The following SPATS2 variants were observed in gnomAD, a reference collection of about 807,000 sequenced individuals.
SPATS2 encodes spermatogenesis-associated serine-rich protein 2.
Under a neutral mutation model 63.7 loss-of-function variants are expected in SPATS2, and 38 were observed. The ratio of observed to expected loss-of-function variants is 0.60; its 90% CI spans 0.46 to 0.78. The LOEUF is 0.78. Ranked by LOEUF, SPATS2 falls within the 30% of genes least tolerant of loss-of-function variation. SPATS2 has a pLI of 0.00. For missense variants in SPATS2, 588 were observed against 666.2 expected (o/e 0.88, Z 1.29); for synonymous variants, 207 against 232.9 (o/e 0.89, Z 1.01).
chr12:49,419,605 A>T (rs1351520404), intron 2 of SPATS2, among the ~76,000 whole-genome samples: 1 of 152,184 alleles, frequency 6.6e-6, no homozygotes, highest in Non-Finnish European at 1.5e-5. Context: ...TGTATTAATG[A>T]ATTTAAAATA....
At chr12:49,370,563 G>T (rs1250757892) in intron 1 of SPATS2, among the ~76,000 whole-genome samples, 1 of 152,092 alleles carries the variant, frequency 6.6e-6, no homozygotes, top group East Asian at 1.9e-4. Flanking sequence ...CACTTTCAAC[G>T]AAGTCATCTA....
At chr12:49,425,320 T>C (rs1180292066) in intron 2 of SPATS2, among the ~76,000 whole-genome samples, 2 of 152,202 alleles carry the variant, frequency 1.3e-5, no homozygotes, top group Admixed American at 6.5e-5. Context: ...ATTTTTCTTA[T>C]AGTTTATTGA....
At chr12:49,400,524 A>G (rs74088731) in intron 2 of SPATS2, among the ~76,000 whole-genome samples, 13,209 of 152,162 alleles carry the variant, frequency 0.087, 635 homozygotes, top group African/African-American at 0.12. Context: ...GGGAATGACT[A>G]GGCAATAGGG....
intron 4 of SPATS2, 76 bp from the exon 5 acceptor site, chr12:49,489,389 A>C (rs997015699): frequency 1.9e-6 from 2 of 1,073,812 alleles, no homozygotes; most frequent in African/African-American, 1.6e-5. Context: ...CACTCTTTTC[A>C]TTATTCTCTG....
rs80144643 is a variant in SPATS2, at chr12:49,490,868, G to A, written c.264+137G>A. On this transcript the variant is annotated intron_variant, in intron 6 of 13. Coordinates refer to ENST00000552918, the MANE Select transcript of SPATS2 (RefSeq NM_023071.4). Reference sequence around the variant, plus strand: ...GGTTAAAAAACATCTTTGGCCAGGTGCAGGGGCTCACACCTGTAATCCCAG... The same window carrying A: ...GGTTAAAAAACATCTTTGGCCAGGTACAGGGGCTCACACCTGTAATCCCAG... 1.6e-5 allele frequency: 12 copies of A among 772,438 alleles called. No homozygotes were observed. The Admixed American group carries it at 2.7e-4, about 18-fold the overall frequency. 47.8% of individuals were successfully genotyped at this position (772,438 alleles called of 1,614,324 possible).
At chr12:49,385,098 T>C (rs7969010) in intron 2 of SPATS2, among the ~76,000 whole-genome samples, 44,891 of 151,898 alleles carry the variant, frequency 0.3, 8,968 homozygotes, top group African/African-American at 0.57. Flanking sequence ...TGTGACCCAC[T>C]GCACCCAGTC....
At chr12:49,420,266 T>A (rs11169008) in intron 2 of SPATS2, among the ~76,000 whole-genome samples, 51,905 of 152,104 alleles carry the variant, frequency 0.34, 12,526 homozygotes, top group African/African-American at 0.69. Flanking sequence ...GTTAAGGGAT[T>A]AAAAAACAGG....
intron 2 of SPATS2, among the ~76,000 whole-genome samples, chr12:49,405,135 AT>A (rs2137320952): frequency 6.6e-6 from 1 of 152,214 alleles, no homozygotes; most frequent in African/African-American, 2.4e-5. Context: ...ACCCATTATT[AT>A]TATTTCATTG....
At chr12:49,486,791 A>G (rs1205337079) in intron 4 of SPATS2, among the ~76,000 whole-genome samples, 1 of 151,844 alleles carries the variant, frequency 6.6e-6, no homozygotes, top group Admixed American at 6.6e-5. Context: ...AAAAAAAAAA[A>G]AGAAAAAAAA....
chr12:49,457,393 C>T (rs951727559), intron 2 of SPATS2, among the ~76,000 whole-genome samples: 1 of 152,016 alleles, frequency 6.6e-6, no homozygotes, highest in African/African-American at 2.4e-5. Context: ...CTGACCCACC[C>T]CTGCTCATCC....
chr12:49,384,174 C>G (rs913950544), intron 2 of SPATS2, among the ~76,000 whole-genome samples: 2 of 152,080 alleles, frequency 1.3e-5, no homozygotes, highest in Non-Finnish European at 2.9e-5. Context: ...TGTATATTGC[C>G]CAGGTTAGTC....
chr12:49,422,049 A>G (rs533790722), intron 2 of SPATS2, among the ~76,000 whole-genome samples: 7 of 152,322 alleles, frequency 4.6e-5, no homozygotes, highest in African/African-American at 1.7e-4. Context: ...CAGGGAGCAG[A>G]GGGCACAGAG....
intron 2 of SPATS2, among the ~76,000 whole-genome samples, chr12:49,445,206 T>C (rs944962887): frequency 6.6e-6 from 1 of 152,168 alleles, no homozygotes; most frequent in African/African-American, 2.4e-5. Context: ...AAATATTTTG[T>C]GTTTTATTAT....
chr12:49,378,518 C>G (rs1054878369), intron 2 of SPATS2, among the ~76,000 whole-genome samples: 3 of 151,792 alleles, frequency 2.0e-5, no homozygotes, highest in African/African-American at 7.3e-5. Context: ...AGGATGATCT[C>G]TATCTCCTGA....
intron 2 of SPATS2, among the ~76,000 whole-genome samples, chr12:49,388,786 C>G (rs1449746140): frequency 6.6e-6 from 1 of 151,820 alleles, no homozygotes; most frequent in Non-Finnish European, 1.5e-5. Context: ...CCTCAACCTC[C>G]CAGGCTCAAG....
chr12:49,471,513 A>T (rs142869251), intron 3 of SPATS2, among the ~76,000 whole-genome samples: 2,088 of 152,208 alleles, frequency 0.014, 16 homozygotes, highest in Non-Finnish European at 0.02. Context: ...AAAAATTTTT[A>T]TAGAGACAGG....
intron 2 of SPATS2, among the ~76,000 whole-genome samples, chr12:49,436,847 G>C (rs1399991223): frequency 7.0e-6 from 1 of 143,282 alleles, no homozygotes; most frequent in Non-Finnish European, 1.5e-5. Context: ...CGGGGCGGCT[G>C]TCCGGGCGGG....
chr12:49,513,100 G>T (rs1258336615), intron 9 of SPATS2, among the ~76,000 whole-genome samples: 1 of 152,156 alleles, frequency 6.6e-6, no homozygotes, highest in Non-Finnish European at 1.5e-5. Flanking sequence ...TTGAGGAAAT[G>T]ACCCTGCCTT....
At chr12:49,520,529 C>T (rs1219973488) in intron 11 of SPATS2, among the ~76,000 whole-genome samples, 1 of 152,080 alleles carries the variant, frequency 6.6e-6, no homozygotes, top group Non-Finnish European at 1.5e-5. Flanking sequence ...TTTGTCTTCC[C>T]CACTAGATAG....
Sources: gnomAD v4.1 joint callset for allele counts (sites outside exome capture counted in the v4.1 genomes callset) on GRCh38, gnomAD v4.1.1 for gene constraint, MANE v1.5 for transcripts, NCBI Gene and HGNC (gene_info 2026-07-23, HGNC 2026-07-21) for gene names.